HPSE2: variants seen among roughly 807,000 people sequenced by gnomAD.
The protein encoded by HPSE2 is inactive heparanase-2.
Under a neutral mutation model 60.5 loss-of-function variants are expected in HPSE2, and 38 were observed. The ratio of observed to expected loss-of-function variants is 0.63; its 90% CI spans 0.48 to 0.82. The LOEUF is 0.82. HPSE2 is among the 40% of genes least tolerant of loss of function. HPSE2 has a pLI of 0.00. For synonymous variants in HPSE2, 295 were observed against 293.2 expected, an observed-to-expected ratio of 1.01 and a Z score of -0.06; for missense variants, 713 against 740.4, an observed-to-expected ratio of 0.96 and a Z score of 0.43.
At chr10:98,487,077 A>G (rs7920854) in intron 10 of HPSE2, among the ~76,000 whole-genome samples, 1,526 of 152,272 alleles carry the variant, frequency 0.01, 31 homozygotes, top group African/African-American at 0.031. Flanking sequence ...CCAGGTTCCA[A>G]TTGGTTCTGA....
intron 5 of HPSE2, among the ~76,000 whole-genome samples, chr10:98,699,209 T>C (rs1948329230): frequency 6.6e-6 from 1 of 152,130 alleles, no homozygotes; most frequent in East Asian, 1.9e-4. Flanking sequence ...TTTAGACCAA[T>C]ATCCTTGATG....
intron 9 of HPSE2, among the ~76,000 whole-genome samples, chr10:98,553,310 A>G (rs1048869729): frequency 6.6e-6 from 1 of 152,230 alleles, no homozygotes; most frequent in Non-Finnish European, 1.5e-5. Context: ...ACACATATTA[A>G]TAACTGTGTA....
chr10:99,315,569 G>T, the HPSE2 span, among the ~76,000 whole-genome samples: 4 of 152,306 alleles, frequency 2.6e-5, no homozygotes, highest in Middle Eastern at 3.4e-3. Context: ...GGAATGGAAT[G>T]AAGACAGGCA....
intron 4 of HPSE2, among the ~76,000 whole-genome samples, chr10:98,742,061 A>C (rs930873679): frequency 9.8e-5 from 15 of 152,348 alleles, no homozygotes; most frequent in African/African-American, 3.6e-4. Flanking sequence ...ACTTTTGCCT[A>C]CTTCAAAGCT....
chr10:98,587,316 T>C (rs1944966473), intron 9 of HPSE2, among the ~76,000 whole-genome samples: 1 of 152,128 alleles, frequency 6.6e-6, no homozygotes. Flanking sequence ...GCCTACTCTG[T>C]CCAAAGCTCT....
chr10:99,120,520 C>T (rs1336559413), intron 3 of HPSE2, among the ~76,000 whole-genome samples: 1 of 151,286 alleles, frequency 6.6e-6, no homozygotes, highest in Non-Finnish European at 1.5e-5. Context: ...GTTGCCCAGG[C>T]TGGACTGCAA....
At chr10:98,540,447 A>G (rs1943424529) in intron 9 of HPSE2, among the ~76,000 whole-genome samples, 1 of 152,246 alleles carries the variant, frequency 6.6e-6, no homozygotes. Flanking sequence ...CTAAAGATGT[A>G]GTAGGCCAAA....
chr10:98,473,890 T>C (rs1053753814), intron 11 of HPSE2, among the ~76,000 whole-genome samples: 2 of 152,190 alleles, frequency 1.3e-5, no homozygotes, highest in African/African-American at 4.8e-5. Context: ...TGAAAAGCTT[T>C]TTGTCGGGGA....
intron 4 of HPSE2, among the ~76,000 whole-genome samples, chr10:98,737,697 C>T (rs1185568808): frequency 6.6e-6 from 1 of 152,072 alleles, no homozygotes; most frequent in Non-Finnish European, 1.5e-5. Context: ...AAACACAGAG[C>T]CAAATCATGA....
chr10:99,046,374 T>C (rs1377422830), intron 3 of HPSE2, among the ~76,000 whole-genome samples: 1 of 152,068 alleles, frequency 6.6e-6, no homozygotes, highest in South Asian at 2.1e-4. Flanking sequence ...GCCAACATCA[T>C]ACTGAAAAGG....
chr10:99,112,115 G>T (rs760824347), intron 3 of HPSE2, among the ~76,000 whole-genome samples: 105 of 152,200 alleles, frequency 6.9e-4, no homozygotes, highest in Admixed American at 1.1e-3. Context: ...GCTGAGGGTT[G>T]CCCCAGAATA....
intron 3 of HPSE2, among the ~76,000 whole-genome samples, chr10:99,076,668 G>A (rs925823764): frequency 2.0e-5 from 3 of 152,184 alleles, no homozygotes; most frequent in Non-Finnish European, 2.9e-5. Flanking sequence ...GATTACAGGT[G>A]TGAGCCTCCA....
chr10:99,209,192 T>C (rs886572321), intron 2 of HPSE2, among the ~76,000 whole-genome samples: 3 of 152,180 alleles, frequency 2.0e-5, no homozygotes, highest in South Asian at 2.1e-4. Flanking sequence ...AAACATACAT[T>C]CTTCTTGAGC....
intron 5 of HPSE2, among the ~76,000 whole-genome samples, chr10:98,719,809 T>C (rs1274805742): frequency 1.3e-5 from 2 of 151,572 alleles, no homozygotes; most frequent in Non-Finnish European, 2.9e-5. Flanking sequence ...AACACCAGCC[T>C]GACCAACATG....
chr10:98,584,036 C>A (rs951138148), intron 9 of HPSE2, among the ~76,000 whole-genome samples: 1 of 152,106 alleles, frequency 6.6e-6, no homozygotes, highest in Non-Finnish European at 1.5e-5. Flanking sequence ...AATGGAAATG[C>A]TGGGGCATAT....
At chr10:99,027,853 A>G (rs998942200) in intron 3 of HPSE2, among the ~76,000 whole-genome samples, 5 of 152,236 alleles carry the variant, frequency 3.3e-5, no homozygotes, top group African/African-American at 1.2e-4. Flanking sequence ...ATGTTTCAAC[A>G]TATGCAAATC....
intron 3 of HPSE2, among the ~76,000 whole-genome samples, chr10:98,829,404 G>T (rs1052563043): frequency 2.0e-5 from 3 of 151,714 alleles, no homozygotes; most frequent in African/African-American, 7.3e-5. Context: ...GGCGTGGTGA[G>T]GTTAGCCTCA....
chr10:98,554,581 T>C (rs764678260), intron 9 of HPSE2, among the ~76,000 whole-genome samples: 1 of 152,210 alleles, frequency 6.6e-6, no homozygotes, highest in Non-Finnish European at 1.5e-5. Flanking sequence ...AAATGCCTCA[T>C]GACGTTTACT....
At chr10:99,159,768 T>C (rs551095288) in intron 2 of HPSE2, among the ~76,000 whole-genome samples, 5 of 152,196 alleles carry the variant, frequency 3.3e-5, no homozygotes, top group African/African-American at 4.8e-5. Context: ...TTCTTAGTTA[T>C]GACACCAAAA....
Sources: gnomAD v4.1 joint callset for allele counts (sites outside exome capture counted in the v4.1 genomes callset) on GRCh38, gnomAD v4.1.1 for gene constraint, MANE v1.5 for transcripts, NCBI Gene and HGNC (gene_info 2026-07-23, HGNC 2026-07-21) for gene names.